The following TBCA variants were observed in gnomAD, a reference collection of about 807,000 sequenced individuals.
TBCA encodes the protein tubulin-specific chaperone A.
In TBCA, 6 loss-of-function variants were observed where a neutral mutation model predicts 15.8. The observed-to-expected ratio is 0.38, with a 90% CI of 0.21 to 0.75. TBCA has a LOEUF of 0.75. Among genes scored for constraint, TBCA ranks in the 30% least tolerant of loss-of-function variants. The pLI is 0.46. For missense variants in TBCA, 90 were observed against 131.2 expected (o/e 0.69, Z 1.53); for synonymous variants, 32 against 42.3 (o/e 0.76, Z 0.94).
chr5:77,710,163 G>A (rs1746242091), intron 1 of TBCA, among the ~76,000 whole-genome samples: 1 of 152,076 alleles, frequency 6.6e-6, no homozygotes, highest in African/African-American at 2.4e-5. Context: ...TATGGTATGT[G>A]AATTATATCT....
intron 2 of TBCA, among the ~76,000 whole-genome samples, chr5:77,703,807 G>A (rs559972763): frequency 1.1e-4 from 17 of 152,062 alleles, no homozygotes; most frequent in African/African-American, 3.4e-4. Flanking sequence ...CTTTGATATG[G>A]TTTTACTCTG....
intron 2 of TBCA, among the ~76,000 whole-genome samples, chr5:77,697,893 G>A (rs988477325): frequency 1.4e-4 from 21 of 152,220 alleles, no homozygotes; most frequent in African/African-American, 4.8e-4. Context: ...ACTTTGGGAG[G>A]TTGGGGCAGG....
intron 1 of TBCA, among the ~76,000 whole-genome samples, chr5:77,740,483 AAGGAAGCAGG>A (rs1210606488): frequency 6.6e-6 from 1 of 152,180 alleles, no homozygotes; most frequent in African/African-American, 2.4e-5. Context: ...GCAGGAAGAC[AAGGAAGCAGG>A]AGAAGCCAAA....
chr5:77,697,936 C>T (rs1745908398), intron 2 of TBCA, among the ~76,000 whole-genome samples: 1 of 150,706 alleles, frequency 6.6e-6, no homozygotes, highest in South Asian at 2.1e-4. Context: ...TCGAGACCAG[C>T]CTGGGCAACA....
chr5:77,768,367 G>A (rs187364576), intron 1 of TBCA, among the ~76,000 whole-genome samples: 467 of 152,182 alleles, frequency 3.1e-3, no homozygotes, highest in Non-Finnish European at 3.7e-3. Context: ...AGAAAACTGG[G>A]GCTTTTAAAG....
intron 2 of TBCA, among the ~76,000 whole-genome samples, chr5:77,698,324 A>G (rs1168296926): frequency 6.6e-6 from 1 of 152,192 alleles, no homozygotes; most frequent in Non-Finnish European, 1.5e-5. Flanking sequence ...ATGATGTTAT[A>G]ATATTGTTCA....
At chr5:77,712,980 A>G (rs1746317588) in intron 1 of TBCA, among the ~76,000 whole-genome samples, 1 of 152,112 alleles carries the variant, frequency 6.6e-6, no homozygotes, top group Admixed American at 6.5e-5. Context: ...GTGTGTGAAA[A>G]TTTATATTTA....
intron 1 of TBCA, among the ~76,000 whole-genome samples, chr5:77,713,390 T>C (rs955008897): frequency 6.6e-6 from 1 of 152,156 alleles, no homozygotes; most frequent in Non-Finnish European, 1.5e-5. Flanking sequence ...TGTTAGTGAT[T>C]GTGAAGTATT....
intron 2 of TBCA, among the ~76,000 whole-genome samples, chr5:77,694,094 T>G (rs2112418867): frequency 6.6e-6 from 1 of 152,330 alleles, no homozygotes; most frequent in Non-Finnish European, 1.5e-5. Flanking sequence ...CACATGGAGA[T>G]AATTACTGCA....
At chr5:77,737,631 T>C (rs1674204730) in intron 1 of TBCA, among the ~76,000 whole-genome samples, 1 of 152,204 alleles carries the variant, frequency 6.6e-6, no homozygotes, top group Admixed American at 6.5e-5. Context: ...CCCTCGGGTA[T>C]GCTGCAGCTC....
chr5:77,740,776 G>T (rs1747013106), intron 1 of TBCA, among the ~76,000 whole-genome samples: 1 of 151,942 alleles, frequency 6.6e-6, no homozygotes, highest in African/African-American at 2.4e-5. Context: ...TGCTGATGGA[G>T]TAAAAAAGGG....
At chr5:77,761,172 ATGG>A (rs879347389) in intron 1 of TBCA, among the ~76,000 whole-genome samples, 1 of 151,904 alleles carries the variant, frequency 6.6e-6, no homozygotes, top group Non-Finnish European at 1.5e-5. Context: ...CATGATGATG[ATGG>A]TGGTTTTGTC....
intron 1 of TBCA, among the ~76,000 whole-genome samples, chr5:77,765,549 C>A (rs1296149645): frequency 6.6e-6 from 1 of 152,150 alleles, no homozygotes; most frequent in Non-Finnish European, 1.5e-5. Context: ...TGTACCCTCT[C>A]CCTCCTACTT....
intron 1 of TBCA, among the ~76,000 whole-genome samples, chr5:77,742,254 T>G (rs1747055990): frequency 2.0e-5 from 3 of 152,192 alleles, no homozygotes; most frequent in African/African-American, 2.4e-5. Context: ...GAGTGTCACG[T>G]GGACGCTCAA....
chr5:77,724,695 T>C (rs573755872), intron 1 of TBCA, among the ~76,000 whole-genome samples: 1 of 152,260 alleles, frequency 6.6e-6, no homozygotes, highest in South Asian at 2.1e-4. Context: ...TTTATTATAG[T>C]ATATTATTTC....
intron 2 of TBCA, among the ~76,000 whole-genome samples, chr5:77,706,894 G>A (rs1477734130): frequency 1.3e-5 from 2 of 151,674 alleles, no homozygotes; most frequent in Non-Finnish European, 2.9e-5. Flanking sequence ...ATGAGAAAGA[G>A]ATAAAAATAT....
chr5:77,765,282 T>C (rs144750118), intron 1 of TBCA, among the ~76,000 whole-genome samples: 4 of 152,336 alleles, frequency 2.6e-5, no homozygotes, highest in Middle Eastern at 3.4e-3. Context: ...TTAGTTACTA[T>C]AAAACTAATT....
chr5:77,697,338 A>G (rs1166885516), intron 2 of TBCA, among the ~76,000 whole-genome samples: 1 of 152,250 alleles, frequency 6.6e-6, no homozygotes, highest in East Asian at 1.9e-4. Flanking sequence ...GTGCCCATGA[A>G]ATATTTACTG....
At chr5:77,736,055 C>T (rs1746894377) in intron 1 of TBCA, among the ~76,000 whole-genome samples, 2 of 152,170 alleles carry the variant, frequency 1.3e-5, no homozygotes, top group Admixed American at 1.3e-4. Flanking sequence ...TAGCTGGAGG[C>T]CGGGTGCGGT....
Sources: allele counts gnomAD v4.1 joint callset (sites outside exome capture counted in the v4.1 genomes callset), GRCh38; gene constraint gnomAD v4.1.1; transcripts MANE v1.5; gene names NCBI Gene and HGNC (gene_info 2026-07-23, HGNC 2026-07-21).